The following DDX27 variants were observed in gnomAD, a reference collection of about 807,000 sequenced individuals.
DDX27 encodes the protein probable ATP-dependent RNA helicase DDX27.
In DDX27, 42 loss-of-function variants were observed where a neutral mutation model predicts 99.3. The ratio of observed to expected loss-of-function variants is 0.42; its 90% confidence interval spans 0.33 to 0.55. The LOEUF (loss-of-function observed/expected upper bound fraction) is 0.55, where lower values mean the gene tolerates loss of function less well. Among genes scored for constraint, DDX27 ranks in the 20% least tolerant of loss-of-function variants. The probability of loss-of-function intolerance (pLI) is 0.07; values close to 1 mark genes in which losing one functional copy is unlikely to be tolerated. For synonymous variants in DDX27, 329 were observed against 353.8 expected (o/e 0.93, Z 0.79); for missense variants, 798 against 976.8 (o/e 0.82, Z 2.44).
chr20:49,243,977 C>T lies in DDX27; in HGVS notation c.*143C>T, dbSNP rs949312926. 3.1e-5 allele frequency: 28 copies of T among 912,890 alleles called. No individual in the cohort carries two copies. Among genetic ancestry groups the T allele is most frequent in the South Asian group, 6.5e-5 (4 of 61,768 alleles). 56.5% of individuals were successfully genotyped at this position (912,890 alleles called of 1,614,324 possible). On this transcript the variant is annotated 3_prime_UTR_variant, in exon 21 of 21. Coordinates refer to ENST00000618172, the MANE Select transcript of DDX27 (RefSeq NM_017895.8). ...AACACTTTGGTGTGGTGGTATGGTACGTAGCTATTTTCCTAAGCATGTCTG... is the reference window on the plus strand; with the variant it reads ...AACACTTTGGTGTGGTGGTATGGTATGTAGCTATTTTCCTAAGCATGTCTG...
At chr20:49,225,454 T>TA (rs34932293) in intron 6 of DDX27, among the ~76,000 whole-genome samples, 1 of 17,586 alleles carries the variant, frequency 5.7e-5, no homozygotes, top group African/African-American at 1.2e-4. Flanking sequence ...GAGAACTCCC[T>TA]TTTTTTTTTT....
chr20:49,226,509 T>C lies in DDX27; in HGVS notation c.680T>C (p.Ile227Thr). ...CIPVGLLGKD[I>T]CACAATGTGK... ...CCTGTGGGTCTATTGGGGAAGGACA[T>C]CTGTGCCTGTGCAGCCACTGGGACA... The change falls in exon 7 of 21, where the codon ATC becomes ACC. Residue 227 changes from isoleucine (I) to threonine (T), a missense_variant. Transcript: ENST00000618172. 1.2e-6 allele frequency: 2 copies of C among 1,614,030 alleles called. No individual in the cohort carries two copies. The highest frequency in any genetic ancestry group is 1.7e-6 in the Non-Finnish European group (2 of 1,179,964).
At position 49,242,089 on chromosome 20, in the gene DDX27, G is replaced by C; in HGVS notation, c.1999G>C (p.Glu667Gln). ...ACCTCCCCACTCCCCCTAGGCAGAG[G>C]AAAGGTCTCAGTTTGAAATCCTCAA... ...AKKKGEMTAE[E>Q]RSQFEILKAQ... The change falls in exon 18 of 21, where the codon GAA becomes CAA. Residue 667 changes from glutamate (E) to glutamine (Q), a missense_variant. Around this residue, in one of 2 missense-constraint regions of DDX27, gnomAD observed 553 missense variants for 727.9 expected, o/e 0.76. Transcript: ENST00000618172. 6.2e-7 allele frequency: 1 copy of C among 1,614,230 alleles called. No homozygotes were observed. The highest frequency in any genetic ancestry group is 8.5e-7 in the Non-Finnish European group (1 of 1,180,040).
At chr20:49,220,725 C>T (rs1409732209) in intron 1 of DDX27, among the ~76,000 whole-genome samples, 1 of 152,232 alleles carries the variant, frequency 6.6e-6, no homozygotes, top group East Asian at 1.9e-4. Context: ...GGCCCCTGTA[C>T]AGTGCCCGGT....
intron 11 of DDX27, chr20:49,234,641 T>C: frequency 3.7e-6 from 1 of 269,048 alleles, no homozygotes; most frequent in Non-Finnish European, 7.0e-6. Flanking sequence ...TCTAGAATCT[T>C]CCCCTGGATC....
At chr20:49,222,356 C>G (rs769596308) in intron 2 of DDX27, among the ~76,000 whole-genome samples, 1 of 151,904 alleles carries the variant, frequency 6.6e-6, no homozygotes, top group Non-Finnish European at 1.5e-5. Context: ...ATCACCCAGG[C>G]CGGAGTGCAA....
At chr20:49,226,646 A>T in intron 7 of DDX27, 111 bp downstream of exon 7, 2 of 669,300 alleles carry the variant, frequency 3.0e-6, no homozygotes, top group African/African-American at 1.9e-5. Flanking sequence ...GGTTTTTTGA[A>T]CTATTTCATT....
At chr20:49,225,824 A>C (rs1979867311) in intron 6 of DDX27, among the ~76,000 whole-genome samples, 1 of 151,810 alleles carries the variant, frequency 6.6e-6, no homozygotes, top group African/African-American at 2.4e-5. Flanking sequence ...AGTACTTCCC[A>C]GTCTCACTCT....
At chr20:49,223,081 C>A in intron 3 of DDX27, 65 bp downstream of exon 3, 1 of 1,507,354 alleles carries the variant, frequency 6.6e-7, no homozygotes, top group Non-Finnish European at 9.2e-7. Flanking sequence ...ACGACCCCAG[C>A]ATCTCTCTGG....
Position 49,236,024 on chromosome 20 carries a change from T to C in DDX27, c.1428-126T>C, listed in dbSNP as rs1447413855. The C allele has an allele frequency of 2.8e-5, 24 of 846,116 alleles. 1 individual carries two copies. In the South Asian group the frequency reaches 3.9e-4, roughly 14 times the overall value. 52.4% of individuals were successfully genotyped at this position (846,116 alleles called of 1,614,324 possible). ...TCCCAAAGTGCTGGGATTACAGGCG[T>C]GAGCCACCGTGCCCAGCCTCTATCC... On this transcript the variant is annotated intron_variant, in intron 12 of 20. Coordinates refer to ENST00000618172, the MANE Select transcript of DDX27 (RefSeq NM_017895.8). This position sits in a 1 kb window ranked among gnomAD's most constrained non-coding sequence, Gnocchi z 4.1.
intron 1 of DDX27, 102 bp downstream of exon 1, chr20:49,219,643 G>T (rs1004540795): frequency 3.1e-6 from 4 of 1,292,394 alleles, no homozygotes; most frequent in Non-Finnish European, 3.1e-6. Flanking sequence ...TGCCAGCCCC[G>T]GAAGTTTCCC....
chr20:49,237,281 A>G (rs1441381582), intron 14 of DDX27, among the ~76,000 whole-genome samples: 1 of 152,294 alleles, frequency 6.6e-6, no homozygotes, highest in African/African-American at 2.4e-5. Flanking sequence ...GTGAGCTATG[A>G]TTGTGCCACT....
Position 49,238,942 on chromosome 20 carries a change from C to T in DDX27, c.1688-7C>T. 6.3e-7 allele frequency: 1 copy of T among 1,599,744 alleles called. No individual in the cohort carries two copies. On this transcript the variant is annotated splice_region_variant and splice_polypyrimidine_tract_variant and intron_variant, in intron 14 of 20. Coordinates refer to ENST00000618172, the MANE Select transcript of DDX27 (RefSeq NM_017895.8). Reference sequence around the variant, plus strand: ...TTTGTAAATCCTTTTTATTTTCTCCCATTGAGATGTCATCCTCAAATTCCG... The same window carrying T: ...TTTGTAAATCCTTTTTATTTTCTCCTATTGAGATGTCATCCTCAAATTCCG...
At chr20:49,231,499 CG>C (rs1980109676) in intron 9 of DDX27, among the ~76,000 whole-genome samples, 1 of 152,064 alleles carries the variant, frequency 6.6e-6, no homozygotes, top group African/African-American at 2.4e-5. Flanking sequence ...CCAAAAAAGG[CG>C]GAGGAAGTAT....
chr20:49,225,745 G>A (rs1451881546), intron 6 of DDX27, among the ~76,000 whole-genome samples: 5 of 152,066 alleles, frequency 3.3e-5, no homozygotes, highest in African/African-American at 9.7e-5. Context: ...GTGAGCCACC[G>A]CGCCCGGCCG....
At chr20:49,229,842 C>T (rs894374170) in intron 8 of DDX27, among the ~76,000 whole-genome samples, 3 of 152,132 alleles carry the variant, frequency 2.0e-5, no homozygotes, top group South Asian at 2.1e-4. Context: ...GATGGGGTTT[C>T]GCCATGTTGG....
chr20:49,235,101 G>A lies in DDX27; in HGVS notation c.1427+13G>A, dbSNP rs375806974. ...TGGAGGCCCTCCGGTAACATTTGGG[G>A]TGGGGACTGAGGCTCCCACCATCCT... is the stretch of plus-strand genomic sequence containing the variant. On this transcript the variant is annotated intron_variant, in intron 12 of 20. Coordinates refer to ENST00000618172, the MANE Select transcript of DDX27 (RefSeq NM_017895.8). 2 of 1,589,800 alleles carry A rather than the reference G, an allele frequency of 1.3e-6. No individual in the cohort carries two copies. Among genetic ancestry groups the A allele is most frequent in the Non-Finnish European group, 1.7e-6 (2 of 1,167,814 alleles).
rs371967471 is a variant in DDX27 at position 49,225,244 on chromosome 20, T to A, written c.600+45T>A. ...AATTTTCTTTGTAGAAGCATGGTCT[T>A]GCTATGTTGTCCAAGATGGTCTCAA... is the stretch of plus-strand genomic sequence containing the variant. On this transcript the variant is annotated intron_variant, in intron 6 of 20. Coordinates refer to ENST00000618172, the MANE Select transcript of DDX27 (RefSeq NM_017895.8). 136 of 1,461,560 alleles carry A rather than the reference T, an allele frequency of 9.3e-5. 2 individuals are homozygous for A. Among genetic ancestry groups the A allele is most frequent in the South Asian group, 8.3e-4 (73 of 88,214 alleles). The allele number at this position is 1,461,560 out of a possible 1,614,324, so 90.5% of individuals were successfully genotyped here. A position where few individuals can be genotyped will look rare whatever the true frequency, so the allele number is the denominator to read the frequency against.
In DDX27 at chr20:49,224,744, G is replaced by T. The variant is rs891069185; in HGVS notation, c.467-201G>T. The T allele has an allele frequency of 2.3e-5, 14 of 603,536 alleles. No individual in the cohort carries two copies. In the African/African-American group the frequency reaches 2.6e-4, roughly 11 times the overall value. 37.4% of individuals were successfully genotyped at this position (603,536 alleles called of 1,614,324 possible). ...TCGAGAGCCTGGTCTCTGGACCAGAGTCACTGGGTTAGCTTTCTCTCTGAC... is the reference window on the plus strand; with the variant it reads ...TCGAGAGCCTGGTCTCTGGACCAGATTCACTGGGTTAGCTTTCTCTCTGAC... On this transcript the variant is annotated intron_variant, in intron 4 of 20. Coordinates refer to ENST00000618172, the MANE Select transcript of DDX27 (RefSeq NM_017895.8).
Sources: gnomAD v4.1 joint callset for allele counts (sites outside exome capture counted in the v4.1 genomes callset) on GRCh38, gnomAD v4.1.1 for gene constraint, gnomAD v4.1.1 regional missense constraint, Gnocchi (gnomAD v3.1) non-coding constraint, MANE v1.5 for transcripts, NCBI Gene and HGNC (gene_info 2026-07-23, HGNC 2026-07-21) for gene names.